VSNL1: variants seen among roughly 807,000 people sequenced by gnomAD.
The protein encoded by VSNL1 is visinin like 1.
A neutral mutation model predicts 20.4 loss-of-function variants in VSNL1; 6 were observed. That is an observed-to-expected ratio of 0.29 (90% CI 0.16 to 0.58). The LOEUF is 0.58. VSNL1 is among the 20% of genes least tolerant of loss of function. The probability of loss-of-function intolerance (pLI) is 0.90; values close to 1 mark genes in which losing one functional copy is unlikely to be tolerated. For missense variants in VSNL1, 100 were observed against 234.5 expected (o/e 0.43, Z 3.75); for synonymous variants, 93 against 86.4 (o/e 1.08, Z -0.42).
At position 17,575,826 on chromosome 2, in the gene VSNL1, C is replaced by T. The variant is rs547147917; in HGVS notation, c.-5-16244C>T. Among the ~76,000 whole-genome samples, 206 of 152,192 alleles carry T rather than the reference C, an allele frequency of 1.4e-3. 2 individuals are homozygous for T. Among genetic ancestry groups the T allele is most frequent in the Admixed American group, 3.1e-3 (48 of 15,284 alleles). On this transcript the variant is annotated intron_variant, in intron 1 of 3. Coordinates refer to ENST00000295156, the MANE Select transcript of VSNL1 (RefSeq NM_003385.5). The stretch of plus-strand genomic sequence containing the variant: ...CTGGGATTATAGGCATGAGCCACTG[C>T]GCCCGGCCCGATTTCACAAATATCT...
At chr2:17,630,907 G>A (rs1222952554) in intron 2 of VSNL1, among the ~76,000 whole-genome samples, 2 of 152,078 alleles carry the variant, frequency 1.3e-5, no homozygotes, top group Non-Finnish European at 1.5e-5. Context: ...TCAGCCTCCT[G>A]AGTAGCTGGG....
chr2:17,549,699 G>A (rs967856674), intron 1 of VSNL1, among the ~76,000 whole-genome samples: 5 of 152,084 alleles, frequency 3.3e-5, no homozygotes, highest in Non-Finnish European at 2.9e-5. Context: ...CCCACTCTTC[G>A]ATATTCCCAG....
At chr2:17,602,055 T>C (rs1291122540) in intron 2 of VSNL1, among the ~76,000 whole-genome samples, 1 of 152,268 alleles carries the variant, frequency 6.6e-6, no homozygotes, top group Non-Finnish European at 1.5e-5. Context: ...TAGTGGACTC[T>C]TCTAACATTT....
At chr2:17,561,232 G>T (rs62131514) in intron 1 of VSNL1, among the ~76,000 whole-genome samples, 4,462 of 152,262 alleles carry the variant, frequency 0.029, 64 homozygotes, top group Middle Eastern at 0.054. Context: ...ATATAACAAA[G>T]AGAATAACAG....
intron 2 of VSNL1, among the ~76,000 whole-genome samples, chr2:17,594,856 C>T (rs952572568): frequency 6.6e-6 from 1 of 152,236 alleles, no homozygotes; most frequent in Non-Finnish European, 1.5e-5. Context: ...AAAGCCCTTG[C>T]ATTCCAAATG....
intron 1 of VSNL1, among the ~76,000 whole-genome samples, chr2:17,548,226 A>G (rs1663445309): frequency 6.6e-6 from 1 of 150,558 alleles, no homozygotes; most frequent in Non-Finnish European, 1.5e-5. Flanking sequence ...CCCCACACAC[A>G]TCAAATCCAA....
chr2:17,573,810 G>C (rs1186069235), intron 1 of VSNL1, among the ~76,000 whole-genome samples: 1 of 152,206 alleles, frequency 6.6e-6, no homozygotes, highest in East Asian at 1.9e-4. Flanking sequence ...TTTGGAACAA[G>C]ATCTGCCACA....
At chr2:17,555,499 TTCA>T (rs1663655924) in intron 1 of VSNL1, among the ~76,000 whole-genome samples, 1 of 152,114 alleles carries the variant, frequency 6.6e-6, no homozygotes, top group Admixed American at 6.6e-5. Flanking sequence ...AAATATCATC[TTCA>T]TCATATCCAG....
At chr2:17,572,202 C>T (rs1664100248) in intron 1 of VSNL1, among the ~76,000 whole-genome samples, 2 of 152,050 alleles carry the variant, frequency 1.3e-5, no homozygotes, top group African/African-American at 4.8e-5. Context: ...ATGGAGGAGC[C>T]AAATTATTTG....
intron 2 of VSNL1, among the ~76,000 whole-genome samples, chr2:17,621,034 T>C (rs796487634): frequency 1.4e-4 from 21 of 152,218 alleles, no homozygotes; most frequent in Non-Finnish European, 2.9e-4. Context: ...AATAGACTTA[T>C]GGTTACATAA....
intron 1 of VSNL1, among the ~76,000 whole-genome samples, chr2:17,553,134 C>T (rs1663584561): frequency 2.0e-5 from 3 of 152,080 alleles, no homozygotes; most frequent in Admixed American, 6.6e-5. Context: ...GGCCAAAAAG[C>T]GTGGCCTTCT....
intron 1 of VSNL1, among the ~76,000 whole-genome samples, chr2:17,570,254 C>T (rs1401116340): frequency 6.6e-6 from 1 of 152,062 alleles, no homozygotes; most frequent in Non-Finnish European, 1.5e-5. Flanking sequence ...TATGAGACTC[C>T]CTACATGCGT....
intron 1 of VSNL1, among the ~76,000 whole-genome samples, chr2:17,578,723 T>C (rs556022732): frequency 6.6e-6 from 1 of 152,324 alleles, no homozygotes; most frequent in African/African-American, 2.4e-5. Context: ...AGCCTTGGCA[T>C]TGTCTCTTTC....
At chr2:17,614,252 G>A (rs908649881) in intron 2 of VSNL1, among the ~76,000 whole-genome samples, 25 of 152,212 alleles carry the variant, frequency 1.6e-4, no homozygotes, top group Admixed American at 2.0e-4. Context: ...CTCTTAGGAG[G>A]GGGCACTGAA....
chr2:17,614,225 C>A (rs1220602331), intron 2 of VSNL1, among the ~76,000 whole-genome samples: 1 of 152,218 alleles, frequency 6.6e-6, no homozygotes, highest in Non-Finnish European at 1.5e-5. Flanking sequence ...GCTTGCATGG[C>A]AACGTAGACC....
rs3064980 is a variant in VSNL1, at chr2:17,655,455, T to TCACACACACA, written c.*98_*107dup. The TCACACACACA allele has an allele frequency of 8.0e-3, 4,306 of 536,858 alleles. 27 individuals are homozygous for TCACACACACA. Among genetic ancestry groups the TCACACACACA allele is most frequent in the Non-Finnish European group, 9.5e-3 (2,915 of 306,252 alleles). The allele number at this position is 536,858 out of a possible 1,614,324, so 33.3% of individuals were successfully genotyped here. ...AATGTTCCATTCAGTCTGCAGCTAT[T>TCACACACACA]CACACACACACACACACACACACAC... On this transcript the variant is annotated 3_prime_UTR_variant, in exon 4 of 4. Coordinates refer to ENST00000295156, the MANE Select transcript of VSNL1 (RefSeq NM_003385.5). This position sits in a 1 kb window ranked among gnomAD's most constrained non-coding sequence, Gnocchi z 5.2.
intron 1 of VSNL1, among the ~76,000 whole-genome samples, chr2:17,587,394 C>T (rs73919098): frequency 0.074 from 10,644 of 144,520 alleles, 483 homozygotes; most frequent in African/African-American, 0.13. Flanking sequence ...CACACACACA[C>T]ATATATTTTG....
Position 17,649,495 on chromosome 2 carries a change from G to T in VSNL1, c.248G>T (p.Arg83Leu). The stretch of plus-strand genomic sequence containing the variant: ...AATGGGGACGGCACCATTGACTTCC[G>T]AGAGTTCATCTGCGCTCTGTCCATC... The part of the protein sequence containing the change: ...DKNGDGTIDF[R>L]EFICALSITS... The change falls in exon 3 of 4, where the codon CGA becomes CTA. Residue 83 changes from arginine to leucine, a missense_variant. Arg to Leu is a moderately radical substitution (Grantham distance 102, BLOSUM62 -2). Coordinates refer to ENST00000295156, the MANE Select transcript of VSNL1 (RefSeq NM_003385.5). The surrounding 1 kb of genome is among the most constrained non-coding windows in gnomAD (Gnocchi z 6.4). 1 of 1,614,132 alleles carries T rather than the reference G, an allele frequency of 6.2e-7. No homozygotes were observed. Among genetic ancestry groups the T allele is most frequent in the Non-Finnish European group, 8.5e-7 (1 of 1,180,024 alleles).
chr2:17,576,054 C>G (rs1292715300), intron 1 of VSNL1, among the ~76,000 whole-genome samples: 1 of 152,130 alleles, frequency 6.6e-6, no homozygotes, highest in Non-Finnish European at 1.5e-5. Context: ...TAAGCCATTT[C>G]TTTTTCATCT....
Sources: gnomAD v4.1 joint callset for allele counts (sites outside exome capture counted in the v4.1 genomes callset) on GRCh38, gnomAD v4.1.1 for gene constraint, Gnocchi (gnomAD v3.1) non-coding constraint, MANE v1.5 for transcripts, NCBI Gene and HGNC (gene_info 2026-07-23, HGNC 2026-07-21) for gene names.